The following GPHN variants were observed in gnomAD, a reference collection of about 807,000 sequenced individuals.
The protein encoded by GPHN is gephyrin.
GPHN carries 17 observed loss-of-function variants against 95.5 expected under a neutral mutation model. That is an observed-to-expected ratio of 0.18 (90% CI 0.12 to 0.27). The LOEUF (loss-of-function observed/expected upper bound fraction) is 0.27, where lower values mean the gene tolerates loss of function less well. Among genes scored for constraint, GPHN ranks in the 10% least tolerant of loss-of-function variants. GPHN has a pLI of 1.00. For missense variants in GPHN, 660 were observed against 978.1 expected (o/e 0.67, Z 4.34); for synonymous variants, 320 against 322.5 (o/e 0.99, Z 0.08).
At chr14:66,776,704 T>A (rs1342672258) in intron 3 of GPHN, among the ~76,000 whole-genome samples, 183 bp downstream of exon 3, 1 of 152,142 alleles carries the variant, frequency 6.6e-6, no homozygotes, top group Non-Finnish European at 1.5e-5. Context: ...ATCTGCCATT[T>A]GCAATGAATT....
intron 6 of GPHN, among the ~76,000 whole-genome samples, chr14:66,917,275 A>C (rs914137643): frequency 2.0e-5 from 3 of 152,194 alleles, no homozygotes; most frequent in Non-Finnish European, 4.4e-5. Flanking sequence ...TCCTTCTCAG[A>C]CATTAACAGA....
the GPHN span, chr14:67,503,675 C>T: frequency 8.3e-6 from 1 of 119,894 alleles, no homozygotes; most frequent in Non-Finnish European, 1.9e-5. Flanking sequence ...CTCTCTGCCT[C>T]AGCTTACTTT....
chr14:67,348,417 G>A, the GPHN span, among the ~76,000 whole-genome samples: 1 of 151,904 alleles, frequency 6.6e-6, no homozygotes, highest in South Asian at 2.1e-4. Flanking sequence ...ATGTTGGCCA[G>A]GCTGGTCTCG....
chr14:67,704,409 T>C, the GPHN span, among the ~76,000 whole-genome samples: 1 of 152,248 alleles, frequency 6.6e-6, no homozygotes, highest in African/African-American at 2.4e-5. Flanking sequence ...TCCATTCAAT[T>C]TGTCTGTATC....
At chr14:67,088,053 A>G (rs1326975226) in intron 11 of GPHN, among the ~76,000 whole-genome samples, 1 of 152,194 alleles carries the variant, frequency 6.6e-6, no homozygotes, top group Non-Finnish European at 1.5e-5. Flanking sequence ...CTTACTTCAC[A>G]CAAAAGGTTA....
chr14:66,824,078 G>A (rs975458525), intron 3 of GPHN, among the ~76,000 whole-genome samples: 3 of 152,036 alleles, frequency 2.0e-5, no homozygotes, highest in African/African-American at 7.2e-5. Context: ...AAATAAAGAG[G>A]CAAATCTGCT....
chr14:67,338,023 T>C, the GPHN span: 1 of 152,246 alleles, frequency 6.6e-6, no homozygotes, highest in South Asian at 2.1e-4. Context: ...ACTACTGATC[T>C]GAGCATGAGA....
At chr14:66,685,272 G>A (rs1450671889) in intron 2 of GPHN, among the ~76,000 whole-genome samples, 1 of 152,254 alleles carries the variant, frequency 6.6e-6, no homozygotes, top group African/African-American at 2.4e-5. Flanking sequence ...ACCCAGTAAT[G>A]GGATGGCTGG....
the GPHN span, among the ~76,000 whole-genome samples, chr14:67,682,993 C>T: frequency 9.2e-5 from 14 of 152,142 alleles, no homozygotes; most frequent in Admixed American, 8.5e-4. Context: ...GGCCACATAC[C>T]ATATGATTCC....
chr14:67,150,912 T>A (rs1054563755), intron 18 of GPHN, among the ~76,000 whole-genome samples: 2 of 152,178 alleles, frequency 1.3e-5, no homozygotes, highest in African/African-American at 4.8e-5. Context: ...TGCTACAGAT[T>A]TATCCTAATT....
At chr14:67,009,283 CT>C (rs1277985156) in intron 9 of GPHN, among the ~76,000 whole-genome samples, 1 of 152,064 alleles carries the variant, frequency 6.6e-6, no homozygotes, top group African/African-American at 2.4e-5. Flanking sequence ...ACAAAATGAG[CT>C]TGGCATAGCT....
At chr14:67,485,809 C>T in the GPHN span, among the ~76,000 whole-genome samples, 4 of 152,248 alleles carry the variant, frequency 2.6e-5, no homozygotes, top group African/African-American at 9.6e-5. Flanking sequence ...TCTCACCCTA[C>T]CTCGAGCTTG....
At chr14:67,689,059 T>C in the GPHN span, among the ~76,000 whole-genome samples, 104 of 152,324 alleles carry the variant, frequency 6.8e-4, no homozygotes, top group African/African-American at 2.4e-3. Context: ...TATTAGTGAA[T>C]TCTCACCACT....
chr14:66,761,266 T>C (rs1005852588), intron 2 of GPHN, among the ~76,000 whole-genome samples: 6 of 152,162 alleles, frequency 3.9e-5, no homozygotes, highest in Non-Finnish European at 7.3e-5. Flanking sequence ...TAGAAGTGAA[T>C]TGTGGATGTA....
At chr14:67,291,314 C>T in the GPHN span, among the ~76,000 whole-genome samples, 2 of 149,694 alleles carry the variant, frequency 1.3e-5, no homozygotes, top group African/African-American at 2.5e-5. Context: ...CTGCAACCTC[C>T]GCCTCCTGGG....
the GPHN span, chr14:67,225,202 G>A: frequency 6.5e-7 from 1 of 1,545,534 alleles, no homozygotes; most frequent in Non-Finnish European, 8.7e-7. Context: ...GAATGAATGT[G>A]AGGAAAGAAA....
At chr14:67,399,436 T>G in the GPHN span, among the ~76,000 whole-genome samples, 1 of 144,446 alleles carries the variant, frequency 6.9e-6, no homozygotes, top group African/African-American at 2.6e-5. Context: ...AAGGGTAGTT[T>G]AGGTGGCTGT....
chr14:67,384,124 T>C, the GPHN span: 1 of 152,508 alleles, frequency 6.6e-6, no homozygotes, highest in Non-Finnish European at 1.5e-5. Context: ...TTGAGATTGA[T>C]GACAACCTGT....
At chr14:67,593,815 T>C in the GPHN span, 1 of 1,613,626 alleles carries the variant, frequency 6.2e-7, no homozygotes, top group East Asian at 2.2e-5. Context: ...TTTCTTTGCC[T>C]GAAGCATAAG....
Sources: allele counts gnomAD v4.1 joint callset (sites outside exome capture counted in the v4.1 genomes callset), GRCh38; gene constraint gnomAD v4.1.1; transcripts MANE v1.5; gene names NCBI Gene and HGNC (gene_info 2026-07-23, HGNC 2026-07-21).